The following EPYC variants were observed in gnomAD, a reference collection of about 807,000 sequenced individuals.
The protein encoded by EPYC is epiphycan.
In EPYC, 28 loss-of-function variants were observed where a neutral mutation model predicts 30.1. The observed-to-expected ratio is 0.93, with a 90% CI of 0.69 to 1.28. The LOEUF (loss-of-function observed/expected upper bound fraction) is 1.28. Ranked by LOEUF, EPYC falls within the 50% of genes most tolerant of loss-of-function variation. EPYC has a pLI of 0.00. For synonymous variants in EPYC, 144 were observed against 141.4 expected (o/e 1.02, Z -0.13); for missense variants, 382 against 383.5 (o/e 1.00, Z 0.03).
chr12:90,974,038 TCACACACACA>T (rs560408641), intron 3 of EPYC, among the ~76,000 whole-genome samples: 4 of 140,364 alleles, frequency 2.8e-5, no homozygotes, highest in African/African-American at 8.1e-5. Flanking sequence ...TTACACACAC[TCACACACACA>T]CACACACACA....
intron 2 of EPYC, among the ~76,000 whole-genome samples, chr12:90,997,701 C>T (rs7358706): frequency 0.81 from 123,716 of 151,922 alleles, 50,679 homozygotes; most frequent in Non-Finnish European, 0.87. Flanking sequence ...AAAATTATAG[C>T]CCAGAACTTA....
intron 5 of EPYC, among the ~76,000 whole-genome samples, chr12:90,970,350 C>G (rs1274507292): frequency 6.6e-6 from 1 of 152,112 alleles, no homozygotes; most frequent in Non-Finnish European, 1.5e-5. Flanking sequence ...TGGCTACAAG[C>G]AAATATTTCT....
In EPYC at chr12:90,992,989, C is replaced by T. The variant is rs115700406; in HGVS notation, c.165+9412G>A. Among the ~76,000 whole-genome samples the T allele has an allele frequency of 3.5e-3, 458 of 129,148 alleles. 4 individuals carry two copies. Among genetic ancestry groups the T allele is most frequent in the African/African-American group, 0.013 (442 of 34,122 alleles). The allele number at this position is 129,148 out of a possible 152,430, so 84.7% of individuals were successfully genotyped here. A position where few individuals can be genotyped will look rare whatever the true frequency, so the allele number is the denominator to read the frequency against. ...TTTCTCCAAATTGTGTTTGAGTACACAGGTTACAGACCAGAGTCAAGGGAC... is the reference window on the plus strand; with the variant it reads ...TTTCTCCAAATTGTGTTTGAGTACATAGGTTACAGACCAGAGTCAAGGGAC... On this transcript the variant is annotated intron_variant, in intron 2 of 6. Transcript: ENST00000261172.
chr12:90,991,047 TAG>T (rs903106645), intron 2 of EPYC, among the ~76,000 whole-genome samples: 9 of 152,176 alleles, frequency 5.9e-5, no homozygotes, highest in African/African-American at 1.7e-4. Context: ...ATTATAACTC[TAG>T]AGAGAACACG....
chr12:90,971,792 A>G lies in EPYC; in HGVS notation c.702+8T>C. 6.4e-7 allele frequency: 1 copy of G among 1,554,910 alleles called. No homozygotes were observed. Among genetic ancestry groups the G allele is most frequent in the Non-Finnish European group, 8.7e-7 (1 of 1,151,208 alleles). On this transcript the variant is annotated splice_region_variant and intron_variant, in intron 5 of 6. Transcript: ENST00000261172. ...GATAAAAGTCTGCATATCAAACTTA[A>G]AACTTACTTTAAATGCTTCTTGCTT... is the stretch of plus-strand genomic sequence containing the variant.
intron 2 of EPYC, among the ~76,000 whole-genome samples, chr12:90,997,518 A>T (rs1164549137): frequency 1.3e-5 from 2 of 152,048 alleles, no homozygotes; most frequent in African/African-American, 4.8e-5. Context: ...AATATAAATA[A>T]CTTAAAACTA....
chr12:90,993,614 G>A (rs568266237), intron 2 of EPYC, among the ~76,000 whole-genome samples: 11 of 151,882 alleles, frequency 7.2e-5, no homozygotes, highest in Admixed American at 3.9e-4. Context: ...TCCTGGCTTT[G>A]TATTATGTTC....
chr12:90,974,405 G>A (rs1877133731), intron 3 of EPYC, among the ~76,000 whole-genome samples: 1 of 152,098 alleles, frequency 6.6e-6, no homozygotes, highest in Non-Finnish European at 1.5e-5. Context: ...GGGAAAAGTT[G>A]CCACAAATGT....
rs555163527 is a variant in EPYC, at chr12:90,974,441, A to G, written c.341-1461T>C. On this transcript the variant is annotated intron_variant, in intron 3 of 6. Transcript: ENST00000261172. ...TGAAAATGCTGAGAGGTTTGTGAAG[A>G]GCAAGGGATGAGACATAGTGATATC... 3.9e-5 allele frequency among the ~76,000 whole-genome samples: 6 copies of G among 152,262 alleles called. No homozygotes were observed. In the South Asian group the frequency reaches 1.2e-3, roughly 32 times the overall value.
chr12:90,971,695 T>TAAA, intron 5 of EPYC, 105 bp downstream of exon 5: 2 of 370,356 alleles, frequency 5.4e-6, no homozygotes, highest in Non-Finnish European at 8.6e-6. Context: ...AATAAATAAA[T>TAAA]AAATAAATAA....
intron 2 of EPYC, among the ~76,000 whole-genome samples, chr12:91,000,403 T>C (rs1297604903): frequency 6.6e-6 from 1 of 152,124 alleles, no homozygotes. Flanking sequence ...TTAAGTAATG[T>C]TTATACAGAT....
At chr12:90,973,417 A>G (rs1877103138) in intron 3 of EPYC, among the ~76,000 whole-genome samples, 1 of 152,224 alleles carries the variant, frequency 6.6e-6, no homozygotes, top group South Asian at 2.1e-4. Context: ...TTCTATGTAA[A>G]TGGCACCATG....
intron 1 of EPYC, 145 bp from the exon 2 acceptor site, chr12:91,002,723 A>ACAAAATCAT: frequency 1.6e-6 from 1 of 621,648 alleles, no homozygotes; most frequent in Non-Finnish European, 2.6e-6. Context: ...AACATAACAC[A>ACAAAATCAT]CAAAATCATC....
intron 1 of EPYC, 81 bp from the exon 2 acceptor site, chr12:91,002,659 G>A (rs1279738423): frequency 2.7e-6 from 3 of 1,103,738 alleles, no homozygotes; most frequent in African/African-American, 1.6e-5. Flanking sequence ...TGATAAATTA[G>A]TGTCAATATC....
chr12:90,967,970 TA>T (rs779241802), intron 6 of EPYC, among the ~76,000 whole-genome samples: 10 of 151,402 alleles, frequency 6.6e-5, no homozygotes, highest in Middle Eastern at 3.4e-3. Context: ...ACCCTTTCTA[TA>T]AAAAAAAATT....
At chr12:90,974,629 G>A (rs1398186525) in intron 3 of EPYC, among the ~76,000 whole-genome samples, 1 of 152,096 alleles carries the variant, frequency 6.6e-6, no homozygotes, top group Non-Finnish European at 1.5e-5. Flanking sequence ...CATCCCACTT[G>A]TGGAAGGACA....
intron 4 of EPYC, 50 bp from the exon 5 acceptor site, chr12:90,972,052 A>T (rs950891852): frequency 9.1e-7 from 1 of 1,103,274 alleles, no homozygotes; most frequent in Non-Finnish European, 1.3e-6. Flanking sequence ...TTTTGCTCAC[A>T]TAAAAATATA....
intron 2 of EPYC, among the ~76,000 whole-genome samples, chr12:90,984,245 A>G (rs1006180828): frequency 6.6e-6 from 1 of 152,120 alleles, no homozygotes; most frequent in African/African-American, 2.4e-5. Flanking sequence ...TAAGAGGAAA[A>G]CTGGTGTTTC....
chr12:90,964,377 T>C, intron 6 of EPYC, 51 bp from the exon 7 acceptor site: 1 of 1,393,564 alleles, frequency 7.2e-7, no homozygotes, highest in Non-Finnish European at 1.0e-6. Flanking sequence ...TTCTTAGTAT[T>C]GATTGATAGC....
Sources: gnomAD v4.1 joint callset for allele counts (sites outside exome capture counted in the v4.1 genomes callset) on GRCh38, gnomAD v4.1.1 for gene constraint, MANE v1.5 for transcripts, NCBI Gene and HGNC (gene_info 2026-07-23, HGNC 2026-07-21) for gene names.